CNTN5: variants seen among roughly 807,000 people sequenced by gnomAD.
CNTN5 encodes the protein contactin 5, also known as contactin-5.
Under a neutral mutation model 129.1 loss-of-function variants are expected in CNTN5, and 77 were observed. The ratio of observed to expected loss-of-function variants is 0.60; its 90% confidence interval spans 0.50 to 0.72. The LOEUF (loss-of-function observed/expected upper bound fraction) is 0.72. Among genes scored for constraint, CNTN5 ranks in the 30% least tolerant of loss-of-function variants. The pLI, the probability that CNTN5 is intolerant of heterozygous loss-of-function variation, is 0.00. For missense variants in CNTN5, 1,478 were observed against 1,328.8 expected (o/e 1.11, Z -1.75); for synonymous variants, 509 against 465.6 (o/e 1.09, Z -1.20).
chr11:99,584,799 T>C (rs959827319), intron 3 of CNTN5, among the ~76,000 whole-genome samples: 2 of 152,220 alleles, frequency 1.3e-5, no homozygotes, highest in African/African-American at 4.8e-5. Context: ...TAGCAGCAGC[T>C]GCTTTTTCAT....
At chr11:99,611,495 G>A (rs1950591984) in intron 3 of CNTN5, among the ~76,000 whole-genome samples, 1 of 152,152 alleles carries the variant, frequency 6.6e-6, no homozygotes, top group African/African-American at 2.4e-5. Context: ...TGTAAAATAA[G>A]AGTCAGTTCA....
intron 9 of CNTN5, among the ~76,000 whole-genome samples, chr11:100,037,278 T>A (rs202114169): frequency 0.093 from 14,004 of 150,768 alleles, 838 homozygotes; most frequent in East Asian, 0.18. Context: ...ATTTATTGAT[T>A]TGTGTATATT....
rs73563745 is a variant in CNTN5 at position 100,268,676 on chromosome 11, C to T, written c.2165-2416C>T. 9.4e-3 allele frequency among the ~76,000 whole-genome samples: 1,428 copies of T among 152,082 alleles called. 31 individuals are homozygous for T. Among genetic ancestry groups the T allele is most frequent in the African/African-American group, 0.033 (1,365 of 41,480 alleles). On this transcript the variant is annotated intron_variant, in intron 17 of 24. Coordinates refer to ENST00000524871, the MANE Select transcript of CNTN5 (RefSeq NM_014361.4). ...CATCAAAGTCCATCAAGAATGAGTT[C>T]CAGAGACAATAGGAGAAAAATTAAT...
intron 1 of CNTN5, among the ~76,000 whole-genome samples, chr11:99,276,877 G>A (rs536967695): frequency 6.6e-6 from 1 of 151,594 alleles, no homozygotes; most frequent in South Asian, 2.1e-4. Context: ...CTATAAAGAA[G>A]TAGTTCTAAA....
chr11:100,349,033 G>A (rs540866641), intron 23 of CNTN5, among the ~76,000 whole-genome samples: 41 of 151,854 alleles, frequency 2.7e-4, no homozygotes, highest in Non-Finnish European at 5.0e-4. Context: ...TTTACACTGA[G>A]GCTATAGCAT....
intron 13 of CNTN5, among the ~76,000 whole-genome samples, chr11:100,107,752 G>T (rs1490134062): frequency 1.3e-5 from 2 of 151,946 alleles, no homozygotes; most frequent in Non-Finnish European, 2.9e-5. Flanking sequence ...TCAAACGATA[G>T]AGTTTATACA....
chr11:99,763,961 A>G (rs1431033474), intron 3 of CNTN5, among the ~76,000 whole-genome samples: 1 of 152,110 alleles, frequency 6.6e-6, no homozygotes, highest in Non-Finnish European at 1.5e-5. Context: ...ACATATTTTT[A>G]AAATGAATTA....
intron 7 of CNTN5, among the ~76,000 whole-genome samples, chr11:99,925,664 G>A (rs965756863): frequency 1.7e-4 from 26 of 151,942 alleles, no homozygotes; most frequent in African/African-American, 6.3e-4. Context: ...CTTCAGCTGG[G>A]GCATTTCCTA....
intron 2 of CNTN5, among the ~76,000 whole-genome samples, chr11:99,349,070 T>A (rs1053552085): frequency 6.6e-6 from 1 of 152,106 alleles, no homozygotes; most frequent in African/African-American, 2.4e-5. Flanking sequence ...TAGATGGTGG[T>A]AAGTGCTATA....
intron 1 of CNTN5, among the ~76,000 whole-genome samples, chr11:99,030,383 A>G (rs1565259370): frequency 6.6e-6 from 1 of 151,924 alleles, no homozygotes; most frequent in Non-Finnish European, 1.5e-5. Flanking sequence ...GAAAATCACT[A>G]TTTTCTTGGC....
At chr11:99,634,141 G>C (rs613019) in intron 3 of CNTN5, among the ~76,000 whole-genome samples, 143,278 of 152,222 alleles carry the variant, frequency 0.94, 67,920 homozygotes, top group Non-Finnish European at 1. Context: ...CAAGAAAATA[G>C]TGTTAGAAAG....
At chr11:100,083,317 C>CAAAAAA (rs71050046) in intron 13 of CNTN5, among the ~76,000 whole-genome samples, 1 of 127,936 alleles carries the variant, frequency 7.8e-6, no homozygotes, top group Admixed American at 7.9e-5. Context: ...AACTCTGTCT[C>CAAAAAA]AAAAAAAAAA....
chr11:99,719,460 T>C (rs192435415), intron 3 of CNTN5, among the ~76,000 whole-genome samples: 2 of 152,200 alleles, frequency 1.3e-5, no homozygotes, highest in Admixed American at 1.3e-4. Flanking sequence ...ATATGCTTTC[T>C]ATAAAATAAT....
chr11:99,767,767 T>C (rs1425799192), intron 3 of CNTN5, among the ~76,000 whole-genome samples: 1 of 152,076 alleles, frequency 6.6e-6, no homozygotes, highest in African/African-American at 2.4e-5. Context: ...GCAGTGACGT[T>C]ACAGCAAATA....
At chr11:100,341,065 C>G (rs368477781) in intron 22 of CNTN5, 28 bp from the exon 23 acceptor site, 7 of 1,401,442 alleles carry the variant, frequency 5.0e-6, no homozygotes, top group Non-Finnish European at 6.1e-6. Context: ...GAATCCTTGT[C>G]AGTTCACTTT....
At chr11:100,026,231 C>G (rs1199112291) in intron 9 of CNTN5, among the ~76,000 whole-genome samples, 1 of 152,074 alleles carries the variant, frequency 6.6e-6, no homozygotes, top group East Asian at 1.9e-4. Flanking sequence ...CTTTGCTCCA[C>G]ACTTCTTCTT....
chr11:100,233,269 G>A (rs1402902636), intron 16 of CNTN5, among the ~76,000 whole-genome samples: 1 of 152,144 alleles, frequency 6.6e-6, no homozygotes, highest in African/African-American at 2.4e-5. Flanking sequence ...AAAGAGAGAG[G>A]TAGGGAAAGA....
intron 3 of CNTN5, among the ~76,000 whole-genome samples, chr11:99,806,446 A>G (rs1339304297): frequency 1.3e-5 from 2 of 152,060 alleles, no homozygotes; most frequent in East Asian, 1.9e-4. Flanking sequence ...GTGTGTGTGT[A>G]TTGTCTTTAG....
intron 13 of CNTN5, among the ~76,000 whole-genome samples, chr11:100,074,796 T>G (rs1361800699): frequency 6.6e-6 from 1 of 152,128 alleles, no homozygotes. Flanking sequence ...CATAGGCAAA[T>G]GAGAAGTGAG....
Sources: gnomAD v4.1 joint callset for allele counts (sites outside exome capture counted in the v4.1 genomes callset) on GRCh38, gnomAD v4.1.1 for gene constraint, MANE v1.5 for transcripts, NCBI Gene and HGNC (gene_info 2026-07-23, HGNC 2026-07-21) for gene names.